FOCAD: variants seen among roughly 807,000 people sequenced by gnomAD.
The protein encoded by FOCAD is KIAA1797.
Under a neutral mutation model 225.6 loss-of-function variants are expected in FOCAD, and 198 were observed. The ratio of observed to expected loss-of-function variants is 0.88; its 90% confidence interval spans 0.78 to 0.99. FOCAD has a LOEUF of 0.99. FOCAD is among the 50% of genes least tolerant of loss of function. The pLI, the probability that FOCAD is intolerant of heterozygous loss-of-function variation, is 0.00. For synonymous variants in FOCAD, 897 were observed against 755.0 expected, an observed-to-expected ratio of 1.19 and a Z score of -3.08; for missense variants, 2,713 against 2,123.6, an observed-to-expected ratio of 1.28 and a Z score of -5.46.
chr9:20,659,660 T>G (rs1387043218), intron 2 of FOCAD, among the ~76,000 whole-genome samples: 3 of 152,168 alleles, frequency 2.0e-5, no homozygotes, highest in Non-Finnish European at 2.9e-5. Context: ...GAAAATAAAT[T>G]TCTGTTGTCT....
intron 21 of FOCAD, among the ~76,000 whole-genome samples, chr9:20,891,949 C>G (rs776220810): frequency 2.0e-5 from 3 of 152,168 alleles, no homozygotes; most frequent in Non-Finnish European, 4.4e-5. Context: ...CAGCTGATGA[C>G]TTAAGTTGAA....
chr9:20,811,350 G>C (rs1350055114), intron 11 of FOCAD, among the ~76,000 whole-genome samples: 1 of 152,026 alleles, frequency 6.6e-6, no homozygotes, highest in African/African-American at 2.4e-5. Context: ...TTTCTACAAA[G>C]TGCTTAACAG....
At chr9:20,901,203 TG>T in intron 21 of FOCAD, among the ~76,000 whole-genome samples, 1 of 150,358 alleles carries the variant, frequency 6.7e-6, no homozygotes, top group Non-Finnish European at 1.5e-5. Flanking sequence ...TGTGTGTGTG[TG>T]TGTGTGTGTG....
chr9:20,661,394 C>T (rs567445122), intron 2 of FOCAD, among the ~76,000 whole-genome samples: 1 of 152,142 alleles, frequency 6.6e-6, no homozygotes, highest in African/African-American at 2.4e-5. Flanking sequence ...TGTCTCAAGA[C>T]TGGGTTTTGC....
At chr9:20,995,406 T>C in intron 43 of FOCAD, 150 bp from the exon 44 acceptor site, 1 of 451,584 alleles carries the variant, frequency 2.2e-6, no homozygotes, top group Non-Finnish European at 4.0e-6. Context: ...TTATAAATGG[T>C]TTTCTGCCAT....
chr9:20,684,133 C>G (rs1018055556), upstream of FOCAD: 1 of 152,294 alleles, frequency 6.6e-6, no homozygotes, highest in African/African-American at 2.4e-5. Context: ...CGCGTGCGCG[C>G]GAGCCGGGGA....
At chr9:20,838,663 G>C (rs1485795304) in intron 15 of FOCAD, among the ~76,000 whole-genome samples, 1 of 152,082 alleles carries the variant, frequency 6.6e-6, no homozygotes. Context: ...GTGATTGGCA[G>C]TGACTTCTAC....
intron 11 of FOCAD, among the ~76,000 whole-genome samples, chr9:20,790,459 G>A (rs763961084): frequency 2.0e-5 from 3 of 152,140 alleles, no homozygotes; most frequent in African/African-American, 2.4e-5. Flanking sequence ...GGTAGAAAAC[G>A]GGCAAATGTG....
At chr9:20,974,498 A>G (rs1291959361) in intron 35 of FOCAD, among the ~76,000 whole-genome samples, 1 of 104,426 alleles carries the variant, frequency 9.6e-6, no homozygotes, top group Non-Finnish European at 1.9e-5. Context: ...GCATCTGTTC[A>G]TGGCCTCTGC....
At chr9:20,902,210 C>A (rs1832616368) in intron 21 of FOCAD, among the ~76,000 whole-genome samples, 1 of 151,772 alleles carries the variant, frequency 6.6e-6, no homozygotes, top group Non-Finnish European at 1.5e-5. Flanking sequence ...AGATTAAGAT[C>A]TAAAGACAGA....
chr9:20,878,841 C>G (rs1251896815), intron 19 of FOCAD, among the ~76,000 whole-genome samples: 17 of 152,112 alleles, frequency 1.1e-4, no homozygotes, highest in Admixed American at 9.8e-4. Flanking sequence ...AATCTGAGGC[C>G]AAAAGCCTCA....
At chr9:20,694,402 G>T (rs1170409988) in intron 1 of FOCAD, 1 of 152,096 alleles carries the variant, frequency 6.6e-6, no homozygotes, top group Admixed American at 6.5e-5. Flanking sequence ...GAACCATGAA[G>T]CTATTATAAG....
At chr9:20,793,236 A>T (rs1485183865) in intron 11 of FOCAD, among the ~76,000 whole-genome samples, 1 of 152,212 alleles carries the variant, frequency 6.6e-6, no homozygotes, top group African/African-American at 2.4e-5. Flanking sequence ...AGCATGAAGC[A>T]ATTAGGCAAA....
chr9:20,753,111 A>G (rs1828719260), intron 5 of FOCAD, among the ~76,000 whole-genome samples: 1 of 152,058 alleles, frequency 6.6e-6, no homozygotes, highest in Admixed American at 6.5e-5. Context: ...GCAAACAGGG[A>G]CAATTTGACT....
chr9:20,752,117 A>C (rs1197749496), intron 5 of FOCAD, among the ~76,000 whole-genome samples: 1 of 145,988 alleles, frequency 6.8e-6, no homozygotes, highest in Non-Finnish European at 1.5e-5. Flanking sequence ...TTGCCTGTTC[A>C]CTCTGATGGT....
At chr9:20,920,760 C>G (rs1314947585) in intron 24 of FOCAD, among the ~76,000 whole-genome samples, 1 of 148,078 alleles carries the variant, frequency 6.8e-6, no homozygotes, top group African/African-American at 2.5e-5. Flanking sequence ...GGGAATTGAA[C>G]AATGAGAACA....
chr9:20,989,712 C>A (rs966540371), intron 41 of FOCAD, among the ~76,000 whole-genome samples: 4 of 152,136 alleles, frequency 2.6e-5, no homozygotes, highest in African/African-American at 9.7e-5. Context: ...TCAGAGTATA[C>A]ATATTTTTAA....
At chr9:20,836,578 A>G (rs1209145093) in intron 15 of FOCAD, among the ~76,000 whole-genome samples, 4 of 151,936 alleles carry the variant, frequency 2.6e-5, no homozygotes, top group East Asian at 1.9e-4. Context: ...TGTTGAATCT[A>G]TTTCCATGCT....
At chr9:20,848,113 G>C (rs1254827911) in intron 15 of FOCAD, among the ~76,000 whole-genome samples, 1 of 151,998 alleles carries the variant, frequency 6.6e-6, no homozygotes, top group South Asian at 2.1e-4. Flanking sequence ...AAATTTATTT[G>C]ATCATAGTTT....
Sources: gnomAD v4.1 joint callset for allele counts (sites outside exome capture counted in the v4.1 genomes callset) on GRCh38, gnomAD v4.1.1 for gene constraint, MANE v1.5 for transcripts, NCBI Gene and HGNC (gene_info 2026-07-23, HGNC 2026-07-21) for gene names.